GABRB1: variants seen among roughly 807,000 people sequenced by gnomAD.
GABRB1 encodes gamma-aminobutyric acid receptor subunit beta-1.
GABRB1 carries 17 observed loss-of-function variants against 51.6 expected under a neutral mutation model. The ratio of observed to expected loss-of-function variants is 0.33; its 90% CI spans 0.23 to 0.49. The LOEUF is 0.49. Ranked by LOEUF, GABRB1 falls within the 20% of genes least tolerant of loss-of-function variation. The probability of loss-of-function intolerance (pLI) is 0.99; values close to 1 mark genes in which losing one functional copy is unlikely to be tolerated. For missense variants in GABRB1, 410 were observed against 600.6 expected, an observed-to-expected ratio of 0.68 and a Z score of 3.32; for synonymous variants, 247 against 218.9, an observed-to-expected ratio of 1.13 and a Z score of -1.14.
At chr4:47,359,531 A>C (rs887508650) in intron 5 of GABRB1, among the ~76,000 whole-genome samples, 8 of 152,112 alleles carry the variant, frequency 5.3e-5, no homozygotes, top group African/African-American at 1.9e-4. Flanking sequence ...TGAAGAAAAA[A>C]ATGACCCAAA....
At chr4:47,361,070 T>C (rs983903822) in intron 5 of GABRB1, among the ~76,000 whole-genome samples, 3 of 152,136 alleles carry the variant, frequency 2.0e-5, no homozygotes, top group African/African-American at 7.2e-5. Flanking sequence ...GGCCAGAATT[T>C]AAACCTAGTT....
intron 3 of GABRB1, among the ~76,000 whole-genome samples, chr4:47,096,869 T>A (rs1222012778): frequency 6.6e-6 from 1 of 152,118 alleles, no homozygotes; most frequent in African/African-American, 2.4e-5. Flanking sequence ...AGAGCCTCCA[T>A]CCAGAAAGGA....
upstream of GABRB1, among the ~76,000 whole-genome samples, chr4:47,030,188 T>C (rs1725243348): frequency 6.6e-6 from 1 of 152,204 alleles, no homozygotes. Context: ...TCATATTTTG[T>C]GTATTTAAAT....
At position 47,403,361 on chromosome 4, in the gene GABRB1, A is replaced by C; in HGVS notation, c.588A>C (p.Gly196=). 1 of 1,613,968 alleles carries C rather than the reference A, an allele frequency of 6.2e-7. No individual in the cohort carries two copies. The highest frequency in any genetic ancestry group is 8.5e-7 in the Non-Finnish European group (1 of 1,179,894). The change falls in exon 6 of 9, where the codon GGA becomes GGC. Residue 196 remains glycine, a synonymous_variant. Coordinates refer to ENST00000295454, the MANE Select transcript of GABRB1 (RefSeq NM_000812.4). ...ACATTGAATTTTACTGGAATGGAGG[A>C]GAAGGGGCAGTCACTGGTGTTAATA... is the stretch of plus-strand genomic sequence containing the variant. The part of the protein sequence containing the change: ...TDDIEFYWNG[G]EGAVTGVNKI...
chr4:47,033,129 A>T, intron 3 of GABRB1: 1 of 193,502 alleles, frequency 5.2e-6, no homozygotes, highest in Admixed American at 5.3e-5. Flanking sequence ...TGCAAATTTA[A>T]GTTGAAACAG....
chr4:47,112,243 A>G (rs926529387), intron 3 of GABRB1, among the ~76,000 whole-genome samples: 1 of 152,074 alleles, frequency 6.6e-6, no homozygotes, highest in Non-Finnish European at 1.5e-5. Context: ...CTGAATCCCT[A>G]CTTAAAGATA....
chr4:47,388,547 G>A (rs1257999551), intron 5 of GABRB1, among the ~76,000 whole-genome samples: 1 of 152,148 alleles, frequency 6.6e-6, no homozygotes, highest in African/African-American at 2.4e-5. Context: ...GCAAATCTGG[G>A]GATACGTCCA....
intron 4 of GABRB1, among the ~76,000 whole-genome samples, chr4:47,168,946 T>A (rs1255375346): frequency 6.6e-6 from 1 of 152,094 alleles, no homozygotes; most frequent in Admixed American, 6.6e-5. Context: ...CCTCTATGTG[T>A]ATTTGTACTT....
intron 1 of GABRB1, among the ~76,000 whole-genome samples, chr4:47,007,895 A>ATATATATATATATATAT (rs375965914): frequency 0.044 from 758 of 17,328 alleles, 35 homozygotes; most frequent in Non-Finnish European, 0.07. Flanking sequence ...TATATATATA[A>ATATATATATATATATAT]AATCAAGTTT....
intron 5 of GABRB1, among the ~76,000 whole-genome samples, chr4:47,387,042 A>C (rs1053408940): frequency 6.6e-6 from 1 of 152,240 alleles, no homozygotes; most frequent in Non-Finnish European, 1.5e-5. Flanking sequence ...TTACCAGGGA[A>C]ATCTTACAGG....
intron 3 of GABRB1, among the ~76,000 whole-genome samples, chr4:47,071,567 A>G (rs1334716038): frequency 6.6e-6 from 1 of 151,686 alleles, no homozygotes; most frequent in Non-Finnish European, 1.5e-5. Flanking sequence ...TCCTATCTTC[A>G]TTACTTTATT....
chr4:47,293,293 C>G (rs1378078763), intron 4 of GABRB1, among the ~76,000 whole-genome samples: 2 of 152,044 alleles, frequency 1.3e-5, no homozygotes, highest in African/African-American at 4.8e-5. Flanking sequence ...AGGCATGTGC[C>G]ATAATGCTTG....
chr4:47,388,860 T>C (rs1401658439), intron 5 of GABRB1, among the ~76,000 whole-genome samples: 2 of 152,128 alleles, frequency 1.3e-5, no homozygotes, highest in Admixed American at 6.5e-5. Flanking sequence ...GGAGGTGTTA[T>C]TATGTTAAAA....
intron 3 of GABRB1, among the ~76,000 whole-genome samples, chr4:47,108,087 A>T (rs1403378556): frequency 1.3e-5 from 2 of 151,996 alleles, no homozygotes; most frequent in African/African-American, 4.8e-5. Flanking sequence ...TCACATGCAT[A>T]GTTTGGTAAT....
intron 1 of GABRB1, among the ~76,000 whole-genome samples, chr4:47,016,659 G>T (rs1276072569): frequency 6.6e-6 from 1 of 151,978 alleles, no homozygotes; most frequent in Non-Finnish European, 1.5e-5. Context: ...CACAGTCTTG[G>T]CTCACTGCAA....
At chr4:47,086,129 C>T (rs1055410912) in intron 3 of GABRB1, among the ~76,000 whole-genome samples, 1 of 152,108 alleles carries the variant, frequency 6.6e-6, no homozygotes, top group Non-Finnish European at 1.5e-5. Flanking sequence ...ATTTTAAATA[C>T]CATGTTAAAA....
chr4:47,190,131 T>C (rs573178814), intron 4 of GABRB1, among the ~76,000 whole-genome samples: 135 of 152,240 alleles, frequency 8.9e-4, no homozygotes, highest in African/African-American at 3.1e-3. Flanking sequence ...TCCCTTAATC[T>C]TCTAGCTTTA....
At chr4:47,262,386 T>C (rs1215699912) in intron 4 of GABRB1, among the ~76,000 whole-genome samples, 5 of 151,996 alleles carry the variant, frequency 3.3e-5, no homozygotes, top group Non-Finnish European at 5.9e-5. Flanking sequence ...GGGCAAAGGA[T>C]ATGAACAGAC....
chr4:47,117,007 C>T (rs1715520885), intron 3 of GABRB1, among the ~76,000 whole-genome samples: 1 of 152,056 alleles, frequency 6.6e-6, no homozygotes, highest in African/African-American at 2.4e-5. Context: ...GAAGTCCACC[C>T]CCATGATCCA....
Sources: allele counts gnomAD v4.1 joint callset (sites outside exome capture counted in the v4.1 genomes callset), GRCh38; gene constraint gnomAD v4.1.1; transcripts MANE v1.5; gene names NCBI Gene and HGNC (gene_info 2026-07-23, HGNC 2026-07-21).